Variants in CCBE1 observed in about 807,000 individuals in gnomAD.
The protein encoded by CCBE1 is collagen and calcium-binding EGF domain-containing protein 1.
In CCBE1, 37 loss-of-function variants were observed where a neutral mutation model predicts 50.0. That is an observed-to-expected ratio of 0.74 (90% CI 0.57 to 0.97). The LOEUF (loss-of-function observed/expected upper bound fraction) is 0.97, where lower values mean the gene tolerates loss of function less well. Ranked by LOEUF, CCBE1 falls within the 50% of genes least tolerant of loss-of-function variation. The pLI is 0.00. For synonymous variants in CCBE1, 234 were observed against 203.7 expected (o/e 1.15, Z -1.27); for missense variants, 538 against 523.8 (o/e 1.03, Z -0.26).
chr18:59,595,472 A>T (rs1304906018), intron 2 of CCBE1, among the ~76,000 whole-genome samples: 1 of 152,206 alleles, frequency 6.6e-6, no homozygotes, highest in Non-Finnish European at 1.5e-5. Context: ...TAAATCCAAG[A>T]AAACTGCTTG....
intron 2 of CCBE1, among the ~76,000 whole-genome samples, chr18:59,576,551 G>C (rs2052999658): frequency 6.6e-6 from 1 of 152,202 alleles, no homozygotes; most frequent in South Asian, 2.1e-4. Context: ...GTGGACAAAG[G>C]CATAAGACTA....
At chr18:59,471,979 A>G (rs961473782) in intron 3 of CCBE1, among the ~76,000 whole-genome samples, 25 of 152,258 alleles carry the variant, frequency 1.6e-4, no homozygotes, top group African/African-American at 5.8e-4. Flanking sequence ...CCTGGGCAAC[A>G]TAGTGAGCTC....
intron 7 of CCBE1, among the ~76,000 whole-genome samples, chr18:59,440,416 C>T (rs1386928479): frequency 6.6e-6 from 1 of 152,192 alleles, no homozygotes; most frequent in Non-Finnish European, 1.5e-5. Flanking sequence ...ATAGTAAGTA[C>T]TAAAACATCT....
intron 2 of CCBE1, among the ~76,000 whole-genome samples, chr18:59,535,494 A>G (rs1242836285): frequency 6.6e-6 from 1 of 152,236 alleles, no homozygotes; most frequent in Non-Finnish European, 1.5e-5. Flanking sequence ...CATGCAATGC[A>G]TAGCCAAGGT....
intron 2 of CCBE1, among the ~76,000 whole-genome samples, chr18:59,594,280 A>G (rs1380650111): frequency 6.6e-6 from 1 of 152,268 alleles, no homozygotes; most frequent in Non-Finnish European, 1.5e-5. Flanking sequence ...TGAGTGCTAA[A>G]TGTTAAAAAG....
chr18:59,596,494 T>A (rs1203932196), intron 2 of CCBE1, among the ~76,000 whole-genome samples: 1 of 152,168 alleles, frequency 6.6e-6, no homozygotes, highest in Non-Finnish European at 1.5e-5. Flanking sequence ...GCATGCTAGG[T>A]CTAGACTGAT....
chr18:59,664,867 G>T (rs960289007), intron 2 of CCBE1, among the ~76,000 whole-genome samples: 2 of 152,130 alleles, frequency 1.3e-5, no homozygotes, highest in African/African-American at 4.8e-5. Flanking sequence ...GCAAATGCTG[G>T]CACTGTCTCA....
rs183608521 is a variant in CCBE1, at chr18:59,585,493, A to G, written c.213-105255T>C. ...TTCACATGTCCCAGAAACTCAGAAA[A>G]TAACTGGTGGATGAGTGAATATTCA... On this transcript the variant is annotated intron_variant, in intron 2 of 10. Coordinates refer to ENST00000439986, the MANE Select transcript of CCBE1 (RefSeq NM_133459.4). Among the ~76,000 whole-genome samples the G allele has an allele frequency of 8.8e-3, 1,344 of 152,286 alleles. 18 individuals are homozygous for G. Among genetic ancestry groups the G allele is most frequent in the African/African-American group, 0.03 (1,252 of 41,534 alleles).
At chr18:59,599,137 C>T (rs2053396010) in intron 2 of CCBE1, among the ~76,000 whole-genome samples, 1 of 151,950 alleles carries the variant, frequency 6.6e-6, no homozygotes, top group Non-Finnish European at 1.5e-5. Context: ...ACCGTCAACC[C>T]AATGAGTCTT....
chr18:59,679,070 G>A (rs1428335588), intron 2 of CCBE1, among the ~76,000 whole-genome samples: 1 of 152,116 alleles, frequency 6.6e-6, no homozygotes, highest in East Asian at 1.9e-4. Flanking sequence ...GGAGTCAAAT[G>A]CATGAACTGC....
chr18:59,685,764 G>A (rs1360916844), intron 2 of CCBE1: 2 of 152,196 alleles, frequency 1.3e-5, no homozygotes, highest in Non-Finnish European at 2.9e-5. Context: ...CTAGCACCTT[G>A]CCAGGAAGAA....
At chr18:59,697,485 G>C, upstream of CCBE1, 2 of 1,114,310 alleles carry the variant, frequency 1.8e-6, no homozygotes, top group East Asian at 2.6e-5. Context: ...CGGGGAGCAG[G>C]GGTCCGGAAT....
At chr18:59,645,214 C>T (rs190176449) in intron 2 of CCBE1, among the ~76,000 whole-genome samples, 82 of 148,572 alleles carry the variant, frequency 5.5e-4, no homozygotes, top group Admixed American at 1.3e-3. Context: ...GGAAACAGAA[C>T]GAGACTCCGT....
At chr18:59,638,391 A>G (rs2053942653) in intron 2 of CCBE1, among the ~76,000 whole-genome samples, 5 of 152,240 alleles carry the variant, frequency 3.3e-5, no homozygotes, top group African/African-American at 1.2e-4. Flanking sequence ...ACAGTGTACT[A>G]GAGCAACGAA....
chr18:59,598,949 A>T (rs563532711), intron 2 of CCBE1, among the ~76,000 whole-genome samples: 15 of 152,320 alleles, frequency 9.8e-5, no homozygotes, highest in Admixed American at 9.8e-4. Flanking sequence ...CAGAGACCAA[A>T]GATGGAGAAA....
intron 2 of CCBE1, among the ~76,000 whole-genome samples, chr18:59,641,612 G>C (rs1234737628): frequency 2.0e-5 from 3 of 152,118 alleles, no homozygotes; most frequent in Non-Finnish European, 2.9e-5. Context: ...AGAAATAAAA[G>C]TGCAAATGTC....
chr18:59,453,571 C>T (rs1911039989), intron 6 of CCBE1, among the ~76,000 whole-genome samples: 1 of 152,196 alleles, frequency 6.6e-6, no homozygotes, highest in Non-Finnish European at 1.5e-5. Context: ...CTCTTCTCAG[C>T]CTGTTGATCT....
intron 5 of CCBE1, among the ~76,000 whole-genome samples, chr18:59,461,895 G>C (rs1356562197): frequency 6.6e-6 from 1 of 151,974 alleles, no homozygotes; most frequent in Non-Finnish European, 1.5e-5. Flanking sequence ...ACCACGCCCA[G>C]CTAATGTTTT....
chr18:59,572,133 T>C (rs983593703), intron 2 of CCBE1, among the ~76,000 whole-genome samples: 3 of 152,254 alleles, frequency 2.0e-5, no homozygotes, highest in African/African-American at 7.2e-5. Flanking sequence ...GGCATTTTCA[T>C]AGTTACTGAG....
Sources: allele counts gnomAD v4.1 joint callset (sites outside exome capture counted in the v4.1 genomes callset), GRCh38; gene constraint gnomAD v4.1.1; transcripts MANE v1.5; gene names NCBI Gene and HGNC (gene_info 2026-07-23, HGNC 2026-07-21).